The following FMN1 variants were observed in gnomAD, a reference collection of about 807,000 sequenced individuals.
The protein encoded by FMN1 is formin 1.
FMN1 carries 110 observed loss-of-function variants against 132.4 expected under a neutral mutation model. The ratio of observed to expected loss-of-function variants is 0.83; its 90% CI spans 0.71 to 0.97. The LOEUF is 0.97. Ranked by LOEUF, FMN1 falls within the 50% of genes least tolerant of loss-of-function variation. The pLI is 0.00. For missense variants in FMN1, 1,792 were observed against 1,705.3 expected (o/e 1.05, Z -0.90); for synonymous variants, 722 against 651.7 (o/e 1.11, Z -1.64).
chr15:32,977,182 G>A (rs775772411), intron 7 of FMN1, among the ~76,000 whole-genome samples: 7 of 152,126 alleles, frequency 4.6e-5, no homozygotes, highest in Non-Finnish European at 8.8e-5. Flanking sequence ...AACAATCTGT[G>A]AGAATACTGG....
At chr15:32,977,132 T>A (rs2032274113) in intron 7 of FMN1, among the ~76,000 whole-genome samples, 1 of 152,190 alleles carries the variant, frequency 6.6e-6, no homozygotes, top group South Asian at 2.1e-4. Context: ...TTCCACCTCT[T>A]ACAATGCATT....
chr15:33,131,284 G>A (rs376637487), intron 4 of FMN1, among the ~76,000 whole-genome samples: 1 of 139,706 alleles, frequency 7.2e-6, no homozygotes, highest in Non-Finnish European at 1.5e-5. Context: ...AGCTGAGATC[G>A]CTCCACTGCA....
At chr15:32,873,692 G>A (rs1404651040) in intron 16 of FMN1, among the ~76,000 whole-genome samples, 1 of 152,180 alleles carries the variant, frequency 6.6e-6, no homozygotes, top group Non-Finnish European at 1.5e-5. Context: ...CAAGACGGCT[G>A]AAATGACAAA....
chr15:32,970,049 T>C (rs191897527), intron 7 of FMN1, among the ~76,000 whole-genome samples: 1 of 152,334 alleles, frequency 6.6e-6, no homozygotes, highest in Admixed American at 6.5e-5. Flanking sequence ...TATTTGTGTC[T>C]GTTTCATAAT....
chr15:32,857,505 G>A (rs1196401301), intron 16 of FMN1, among the ~76,000 whole-genome samples: 1 of 152,086 alleles, frequency 6.6e-6, no homozygotes, highest in South Asian at 2.1e-4. Context: ...TCCAAAAGTA[G>A]AGCTTGAAAA....
intron 17 of FMN1, among the ~76,000 whole-genome samples, chr15:32,828,182 G>A (rs2058417255): frequency 1.3e-5 from 2 of 152,042 alleles, no homozygotes; most frequent in Admixed American, 1.3e-4. Flanking sequence ...GCTGAAGCAG[G>A]AGAATCGTTT....
chr15:32,927,714 G>A (rs2060997307), intron 9 of FMN1, among the ~76,000 whole-genome samples: 1 of 152,056 alleles, frequency 6.6e-6, no homozygotes, highest in Admixed American at 6.6e-5. Context: ...CAGCTCCCTG[G>A]TAACATATCA....
Position 33,154,706 on chromosome 15 carries a change from G to T in FMN1, c.209C>A (p.Pro70Gln). Residue 70 changes from proline (P) to glutamine (Q), a missense_variant, in exon 4 of 21, where the codon CCA becomes CAA. Physicochemically the swap from Pro to Gln is moderately conservative, Grantham distance 76 (BLOSUM62 -1). Coordinates refer to ENST00000616417, the MANE Select transcript of FMN1 (RefSeq NM_001277313.2). ...AGTCTGCTTGAAAAATATGTCGCCT[G>T]GATGTTCGTCCGGCTCCTGGCTGAG... is the stretch of plus-strand genomic sequence containing the variant. Reference protein sequence around the residue: ...ISLSQEPDEHPGDIFFKQTPT... With the variant: ...ISLSQEPDEHQGDIFFKQTPT... 1 of 1,536,108 alleles carries T rather than the reference G, an allele frequency of 6.5e-7. No homozygotes were observed. The highest frequency in any genetic ancestry group is 1.2e-5 in the South Asian group (1 of 84,064).
chr15:32,910,400 C>T (rs2060529413), intron 11 of FMN1, 74 bp downstream of exon 11: 1 of 1,231,338 alleles, frequency 8.1e-7, no homozygotes, highest in Non-Finnish European at 1.2e-6. Context: ...TACCAAAGAA[C>T]ATGAACAGCT....
chr15:33,137,738 G>A (rs1216590565), intron 4 of FMN1, among the ~76,000 whole-genome samples: 1 of 152,188 alleles, frequency 6.6e-6, no homozygotes, highest in Non-Finnish European at 1.5e-5. Flanking sequence ...TCAGAGCTAA[G>A]AGGGGAGCAT....
At chr15:33,020,638 C>T (rs1180515099) in intron 6 of FMN1, among the ~76,000 whole-genome samples, 1 of 136,416 alleles carries the variant, frequency 7.3e-6, no homozygotes, top group East Asian at 2.6e-4. Flanking sequence ...AACTCCGTCT[C>T]AAAAAAAAAA....
chr15:33,109,095 G>A (rs1021901751), intron 4 of FMN1, among the ~76,000 whole-genome samples: 1 of 152,086 alleles, frequency 6.6e-6, no homozygotes, highest in African/African-American at 2.4e-5. Context: ...CCAAAAGCAA[G>A]GAAGGCATAA....
intron 5 of FMN1, chr15:33,067,304 C>G (rs1221572243): frequency 6.2e-7 from 1 of 1,613,792 alleles, no homozygotes; most frequent in African/African-American, 1.3e-5. Context: ...ATTCATTTCC[C>G]CAGTGACAGT....
rs1042356145 is a variant in FMN1, at chr15:33,017,754, G to A, written c.2162-9679C>T. Reference sequence around the variant, plus strand: ...AGTTTCTTACCGCTATGGTTTGAATGTTTGTGTCCTACTAAAATCCATATG... The same window carrying A: ...AGTTTCTTACCGCTATGGTTTGAATATTTGTGTCCTACTAAAATCCATATG... On this transcript the variant is annotated intron_variant, in intron 6 of 20. Coordinates refer to ENST00000616417, the MANE Select transcript of FMN1 (RefSeq NM_001277313.2). Among the ~76,000 whole-genome samples, 6 of 152,200 alleles carry A rather than the reference G, an allele frequency of 3.9e-5. No individual in the cohort carries two copies. The South Asian group carries it at 6.2e-4, about 16-fold the overall frequency.
intron 17 of FMN1, among the ~76,000 whole-genome samples, chr15:32,847,341 G>C (rs16959818): frequency 6.6e-6 from 1 of 152,064 alleles, no homozygotes; most frequent in Non-Finnish European, 1.5e-5. Flanking sequence ...GACCCTGTAA[G>C]AGTTAATGAT....
At chr15:33,083,674 C>T (rs199903875) in intron 5 of FMN1, among the ~76,000 whole-genome samples, 2 of 152,108 alleles carry the variant, frequency 1.3e-5, no homozygotes, top group South Asian at 2.1e-4. Context: ...ATGTCAGAGA[C>T]GTTTGAACCA....
At chr15:32,901,149 C>G (rs754224275) in intron 13 of FMN1, among the ~76,000 whole-genome samples, 2 of 150,900 alleles carry the variant, frequency 1.3e-5, no homozygotes, top group East Asian at 3.9e-4. Flanking sequence ...AATGAGACTC[C>G]GTCTCAAAAA....
At chr15:32,923,606 G>T (rs1392688579) in intron 10 of FMN1, among the ~76,000 whole-genome samples, 1 of 152,226 alleles carries the variant, frequency 6.6e-6, no homozygotes, top group African/African-American at 2.4e-5. Flanking sequence ...TTCGGACGCT[G>T]AAATGAAAGT....
At chr15:32,934,278 T>C (rs991615679) in intron 9 of FMN1, among the ~76,000 whole-genome samples, 5 of 152,204 alleles carry the variant, frequency 3.3e-5, no homozygotes, top group African/African-American at 1.2e-4. Flanking sequence ...TAACAAATTA[T>C]ATTTTTTCTA....
Sources: gnomAD v4.1 joint callset for allele counts (sites outside exome capture counted in the v4.1 genomes callset) on GRCh38, gnomAD v4.1.1 for gene constraint, MANE v1.5 for transcripts, NCBI Gene and HGNC (gene_info 2026-07-23, HGNC 2026-07-21) for gene names.